ZC3HAV1: variants seen among roughly 807,000 people sequenced by gnomAD.
The protein encoded by ZC3HAV1 is zinc finger CCCH-type antiviral protein 1.
In ZC3HAV1, 41 loss-of-function variants were observed where a neutral mutation model predicts 86.6. The observed-to-expected ratio is 0.47, with a 90% CI of 0.37 to 0.61. The LOEUF (loss-of-function observed/expected upper bound fraction) is 0.61. Ranked by LOEUF, ZC3HAV1 falls within the 20% of genes least tolerant of loss-of-function variation. ZC3HAV1 has a pLI of 0.00. For missense variants in ZC3HAV1, 964 were observed against 1,141.1 expected (o/e 0.84, Z 2.24); for synonymous variants, 421 against 432.1 (o/e 0.97, Z 0.32).
intron 1 of ZC3HAV1, among the ~76,000 whole-genome samples, chr7:139,103,697 G>A (rs531278434): frequency 4.6e-5 from 7 of 152,256 alleles, no homozygotes; most frequent in African/African-American, 1.2e-4. Flanking sequence ...TTGGCAGCAC[G>A]ATTTGGTATA....
intron 7 of ZC3HAV1, among the ~76,000 whole-genome samples, chr7:139,065,317 C>A (rs1357266862): frequency 6.6e-6 from 1 of 152,214 alleles, no homozygotes; most frequent in Non-Finnish European, 1.5e-5. Flanking sequence ...TGCATCCCCT[C>A]TTTTCTGATG....
At chr7:139,065,431 G>A (rs982288109) in intron 7 of ZC3HAV1, among the ~76,000 whole-genome samples, 12 of 152,196 alleles carry the variant, frequency 7.9e-5, no homozygotes, top group African/African-American at 2.7e-4. Context: ...AGTCGTGAAG[G>A]GAAGTAAAGA....
intron 12 of ZC3HAV1, 120 bp downstream of exon 12, chr7:139,053,331 G>T: frequency 1.6e-6 from 2 of 1,237,352 alleles, no homozygotes; most frequent in Non-Finnish European, 1.1e-6. Flanking sequence ...GTCTCTCCAG[G>T]ACCACTAGAG....
intron 1 of ZC3HAV1, among the ~76,000 whole-genome samples, chr7:139,095,901 G>A (rs1817572096): frequency 6.6e-6 from 1 of 152,204 alleles, no homozygotes; most frequent in Admixed American, 6.5e-5. Flanking sequence ...GATTTCCTAA[G>A]TGATCCCAAC....
At chr7:139,071,878 C>T (rs1816783147) in intron 7 of ZC3HAV1, among the ~76,000 whole-genome samples, 1 of 152,182 alleles carries the variant, frequency 6.6e-6, no homozygotes, top group South Asian at 2.1e-4. Flanking sequence ...CAATATGCTG[C>T]TGAATTCATG....
chr7:139,079,233 G>A (rs759952782), intron 4 of ZC3HAV1: 1 of 1,536,600 alleles, frequency 6.5e-7, no homozygotes, highest in South Asian at 1.2e-5. Flanking sequence ...GGTGACTGAG[G>A]CAGAGTGCTG....
chr7:139,082,148 C>A (rs1408522217), intron 3 of ZC3HAV1, among the ~76,000 whole-genome samples: 1 of 151,914 alleles, frequency 6.6e-6, no homozygotes, highest in African/African-American at 2.4e-5. Context: ...ACCTGTAATC[C>A]CAGCTACTTG....
chr7:139,050,371 A>AT (rs1816088096), intron 12 of ZC3HAV1, among the ~76,000 whole-genome samples: 1 of 151,418 alleles, frequency 6.6e-6, no homozygotes, highest in Non-Finnish European at 1.5e-5. Flanking sequence ...TGAGTGCTTT[A>AT]TTTTTTTCTT....
chr7:139,096,106 C>T (rs542516403), intron 1 of ZC3HAV1, among the ~76,000 whole-genome samples: 3 of 152,268 alleles, frequency 2.0e-5, no homozygotes, highest in African/African-American at 7.2e-5. Flanking sequence ...CCTCCGCCTC[C>T]CGGGTTCAAG....
Position 139,108,313 on chromosome 7 carries a change from C to G in ZC3HAV1, c.308+711G>C, listed in dbSNP as rs1817994973. On this transcript the variant is annotated intron_variant, in intron 1 of 12. Coordinates refer to ENST00000242351, the MANE Select transcript of ZC3HAV1 (RefSeq NM_020119.4). The surrounding 1 kb of genome is among the most constrained non-coding windows in gnomAD (Gnocchi z 4.2). The stretch of plus-strand genomic sequence containing the variant: ...AACGGAAACAACAGAAGCAGTGGCC[C>G]GAGACGTGAGCCACACTGCTTCAAA... Among the ~76,000 whole-genome samples, 1 of 151,844 alleles carries G rather than the reference C, an allele frequency of 6.6e-6. No homozygotes were observed. Among genetic ancestry groups the G allele is most frequent in the Admixed American group, 6.6e-5 (1 of 15,250 alleles).
chr7:139,089,379 C>T (rs977010908), intron 2 of ZC3HAV1, among the ~76,000 whole-genome samples: 3 of 152,128 alleles, frequency 2.0e-5, no homozygotes, highest in Admixed American at 2.0e-4. Flanking sequence ...ATCTTCAGCT[C>T]ATACTTACTC....
At position 139,047,591 on chromosome 7, in the gene ZC3HAV1, G is replaced by T; in HGVS notation, c.*3C>A. ...CATCCTTCTGACGCTGTATTCATCG[G>T]TTCTAACTAATCACGCAGGCTTTGT... On this transcript the variant is annotated 3_prime_UTR_variant, in exon 13 of 13. Transcript: ENST00000242351. The T allele has an allele frequency of 6.2e-7, 1 of 1,614,028 alleles. No homozygotes were observed. The highest frequency in any genetic ancestry group is 8.5e-7 in the Non-Finnish European group (1 of 1,179,982).
chr7:139,067,777 G>A (rs2130687976), intron 7 of ZC3HAV1, among the ~76,000 whole-genome samples: 1 of 152,184 alleles, frequency 6.6e-6, no homozygotes. Context: ...GTTTTACGTG[G>A]CACAGGAGCC....
At chr7:139,081,726 A>G (rs1263803045) in intron 3 of ZC3HAV1, among the ~76,000 whole-genome samples, 2 of 152,252 alleles carry the variant, frequency 1.3e-5, no homozygotes, top group Admixed American at 1.3e-4. Flanking sequence ...AGGCTAAAAA[A>G]TGACATATCT....
chr7:139,067,227 C>A (rs1225958390), intron 7 of ZC3HAV1, among the ~76,000 whole-genome samples: 1 of 152,098 alleles, frequency 6.6e-6, no homozygotes, highest in South Asian at 2.1e-4. Context: ...GGGCTCACTG[C>A]AACCTCCGCC....
At chr7:139,080,324 T>C in intron 3 of ZC3HAV1, 81 bp from the exon 4 acceptor site, 1 of 1,529,262 alleles carries the variant, frequency 6.5e-7, no homozygotes, top group Non-Finnish European at 8.9e-7. Flanking sequence ...CCCTTCCTCC[T>C]CTTCACTTTT....
chr7:139,067,121 G>C (rs1289899449), intron 7 of ZC3HAV1, among the ~76,000 whole-genome samples: 1 of 151,976 alleles, frequency 6.6e-6, no homozygotes, highest in East Asian at 1.9e-4. Flanking sequence ...TGATATGTAG[G>C]GGAGGCAAAA....
chr7:139,109,580 T>TGG lies in ZC3HAV1; in HGVS notation c.-251_-250dup, dbSNP rs1818049068. The TGG allele has an allele frequency of 4.5e-6, 2 of 447,384 alleles. No individual in the cohort carries two copies. Among genetic ancestry groups the TGG allele is most frequent in the Non-Finnish European group, 7.8e-6 (2 of 256,296 alleles). 27.7% of individuals were successfully genotyped at this position (447,384 alleles called of 1,614,324 possible). On this transcript the variant is annotated 5_prime_UTR_variant, in exon 1 of 13. Coordinates refer to ENST00000242351, the MANE Select transcript of ZC3HAV1 (RefSeq NM_020119.4). The stretch of plus-strand genomic sequence containing the variant: ...GTTTACAGCCGGCCGCAAGGGCAAC[T>TGG]GGGTGGAAAGAAAGAGAACGCGCGG...
chr7:139,067,707 CTA>C (rs1219872905), intron 7 of ZC3HAV1, among the ~76,000 whole-genome samples: 3 of 152,180 alleles, frequency 2.0e-5, no homozygotes, highest in African/African-American at 7.2e-5. Flanking sequence ...CATTCGTACT[CTA>C]TAAATTTATA....
Sources: gnomAD v4.1 joint callset for allele counts (sites outside exome capture counted in the v4.1 genomes callset) on GRCh38, gnomAD v4.1.1 for gene constraint, Gnocchi (gnomAD v3.1) non-coding constraint, MANE v1.5 for transcripts, NCBI Gene and HGNC (gene_info 2026-07-23, HGNC 2026-07-21) for gene names.